ACSS2: variants seen among roughly 807,000 people sequenced by gnomAD.
The protein encoded by ACSS2 is acetyl-coenzyme A synthetase, cytoplasmic.
A neutral mutation model predicts 90.6 loss-of-function variants in ACSS2; 58 were observed. That is an observed-to-expected ratio of 0.64 (90% CI 0.52 to 0.80). The LOEUF (loss-of-function observed/expected upper bound fraction) is 0.80, where lower values mean the gene tolerates loss of function less well. Ranked by LOEUF, ACSS2 falls within the 30% of genes least tolerant of loss-of-function variation. ACSS2 has a pLI of 0.00. For synonymous variants in ACSS2, 300 were observed against 330.9 expected (o/e 0.91, Z 1.01); for missense variants, 759 against 912.0 (o/e 0.83, Z 2.16).
At chr20:34,887,150 T>C (rs954455768) in intron 2 of ACSS2, among the ~76,000 whole-genome samples, 1 of 152,188 alleles carries the variant, frequency 6.6e-6, no homozygotes, top group African/African-American at 2.4e-5. Context: ...TCTTCAAAGA[T>C]TGGTAGATTA....
chr20:34,886,296 T>C (rs1260085955), intron 2 of ACSS2, among the ~76,000 whole-genome samples: 3 of 152,160 alleles, frequency 2.0e-5, no homozygotes, highest in African/African-American at 7.2e-5. Context: ...TCCTTTTATG[T>C]ACGGATTTTT....
intron 14 of ACSS2, among the ~76,000 whole-genome samples, chr20:34,924,621 G>T (rs1390591673): frequency 6.6e-6 from 1 of 152,146 alleles, no homozygotes; most frequent in Non-Finnish European, 1.5e-5. Context: ...ATACAGGGAG[G>T]GTCTTGTGGG....
intron 2 of ACSS2, among the ~76,000 whole-genome samples, chr20:34,899,446 C>T: frequency 7.2e-6 from 1 of 139,364 alleles, no homozygotes; most frequent in Non-Finnish European, 1.6e-5. Flanking sequence ...TTCCTTCCTT[C>T]CTTCCTTCCT....
At chr20:34,877,818 C>CAAAAAAAAAA (rs60819156) in intron 1 of ACSS2, among the ~76,000 whole-genome samples, 3 of 91,222 alleles carry the variant, frequency 3.3e-5, no homozygotes, top group African/African-American at 9.6e-5. Flanking sequence ...GACTTTGTCT[C>CAAAAAAAAAA]AAAAAAAAAA....
intron 2 of ACSS2, among the ~76,000 whole-genome samples, chr20:34,909,236 C>G (rs1291784899): frequency 6.8e-6 from 1 of 146,062 alleles, no homozygotes; most frequent in East Asian, 2.1e-4. Flanking sequence ...GACATGGTGA[C>G]TCTGGCCTGT....
At chr20:34,890,167 T>C (rs1456925712) in intron 2 of ACSS2, among the ~76,000 whole-genome samples, 2 of 152,122 alleles carry the variant, frequency 1.3e-5, no homozygotes, top group Admixed American at 6.5e-5. Context: ...GGTAACTAGG[T>C]GTGTAGATGG....
Position 34,921,567 on chromosome 20 carries a change from T to A in ACSS2, c.1434T>A (p.Leu478=). ...TETGGHMLTP[L]PGATPMKPGS... ...AGGGTGGCCACATGTTGACTCCCCT[T>A]CCTGGTGCCACACCCATGAAACCCG... is the stretch of plus-strand genomic sequence containing the variant. The change falls in exon 12 of 18, where the codon CTT becomes CTA. Residue 478 remains leucine, a synonymous_variant. Coordinates refer to ENST00000360596, the MANE Select transcript of ACSS2 (RefSeq NM_018677.4). 1 of 1,614,164 alleles carries A rather than the reference T, an allele frequency of 6.2e-7. No homozygotes were observed. The highest frequency in any genetic ancestry group is 8.5e-7 in the Non-Finnish European group (1 of 1,180,012).
chr20:34,926,349 T>C, intron 16 of ACSS2, 68 bp downstream of exon 16: 1 of 1,549,418 alleles, frequency 6.5e-7, no homozygotes, highest in Non-Finnish European at 8.7e-7. Flanking sequence ...TGCAAGTTGT[T>C]GGGGAGGGGC....
At chr20:34,915,320 C>T in intron 7 of ACSS2, 1 of 1,602,332 alleles carries the variant, frequency 6.2e-7, no homozygotes, top group Non-Finnish European at 8.5e-7. Flanking sequence ...GCTCATCTGC[C>T]CTTTGCCTGT....
Position 34,888,669 on chromosome 20 carries a change from G to GT in ACSS2, c.374+5681dup, listed in dbSNP as rs1460071724. On this transcript the variant is annotated intron_variant, in intron 2 of 17. Coordinates refer to ENST00000360596, the MANE Select transcript of ACSS2 (RefSeq NM_018677.4). ...GTACTATAGAAAAATATAGAGCAGA[G>GT]TCAGGGGAAAGGGAAGTGACAGTGC... Among the ~76,000 whole-genome samples the GT allele has an allele frequency of 2.2e-4, 33 of 152,312 alleles. 1 individual carries two copies. Among genetic ancestry groups the GT allele is most frequent in the African/African-American group, 7.9e-4 (33 of 41,566 alleles).
Position 34,913,820 on chromosome 20 carries a change from C to A in ACSS2, c.638C>A (p.Thr213Asn). 1.2e-6 allele frequency: 2 copies of A among 1,613,858 alleles called. No individual in the cohort carries two copies. The highest frequency in any genetic ancestry group is 1.7e-6 in the Non-Finnish European group (2 of 1,179,788). ...GATTCCAGCTGCAGTCTTCTCATCA[C>A]TACAGGTGACTAATTCTCTCACCTC... ...ILDSSCSLLITTDAFYRGEKL... is the reference protein window; with the variant it reads ...ILDSSCSLLINTDAFYRGEKL... Residue 213 changes from threonine (T) to asparagine (N), a missense_variant, in exon 5 of 18, where the codon ACT becomes AAT. Physicochemically the swap from Thr to Asn is moderately conservative, Grantham distance 65. Coordinates refer to ENST00000360596, the MANE Select transcript of ACSS2 (RefSeq NM_018677.4).
intron 6 of ACSS2, 38 bp from the exon 7 acceptor site, chr20:34,914,285 C>T (rs761559463): frequency 1.0e-5 from 16 of 1,604,046 alleles, no homozygotes; most frequent in Non-Finnish European, 1.4e-5. Flanking sequence ...TCCCTTTGAG[C>T]CAACAAGGCT....
chr20:34,876,750 C>CA lies in ACSS2; in HGVS notation c.106dup (p.Ser36LysfsTer50), dbSNP rs2079921662. ...GGAGTTGGTCTCCGCCGCCCGAGGT[C>CA]AGCCGCTCCGCGCACGTCCCCTCGC... On this transcript the variant is annotated frameshift_variant, in exon 1 of 18. Coordinates refer to ENST00000360596, the MANE Select transcript of ACSS2 (RefSeq NM_018677.4). LOFTEE classifies it high-confidence loss of function. The CA allele has an allele frequency of 2.1e-6, 3 of 1,434,652 alleles. No homozygotes were observed. Among genetic ancestry groups the CA allele is most frequent in the Non-Finnish European group, 2.8e-6 (3 of 1,084,670 alleles). The allele number at this position is 1,434,652 out of a possible 1,614,324, so 88.9% of individuals were successfully genotyped here.
chr20:34,920,802 C>T lies in ACSS2; in HGVS notation c.1143+93C>T, dbSNP rs1180167060. ...GCTGCTTGGTCTAGAGGGAGGGGGA[C>T]TTATACAATCATCTGTTTTCTGGAG... On this transcript the variant is annotated intron_variant, in intron 9 of 17. Coordinates refer to ENST00000360596, the MANE Select transcript of ACSS2 (RefSeq NM_018677.4). 3 of 1,483,774 alleles carry T rather than the reference C, an allele frequency of 2.0e-6. No homozygotes were observed. The African/African-American group carries it at 4.2e-5, about 21-fold the overall frequency. 91.9% of individuals were successfully genotyped at this position (1,483,774 alleles called of 1,614,324 possible).
chr20:34,913,761 C>T lies in ACSS2; in HGVS notation c.579C>T (p.Gly193=). 6.2e-7 allele frequency: 1 copy of T among 1,614,082 alleles called. No individual in the cohort carries two copies. Among genetic ancestry groups the T allele is most frequent in the Non-Finnish European group, 8.5e-7 (1 of 1,179,952 alleles). ...IGALHSIVFA[G]FSSESLCERI... ...TTTCTTCCCTTCCCTAGTTTGCAGG[C>T]TTCTCTTCAGAGTCTCTATGTGAAC... The change falls in exon 5 of 18, where the codon GGC becomes GGT. Residue 193 remains glycine (G), a synonymous_variant. Coordinates refer to ENST00000360596, the MANE Select transcript of ACSS2 (RefSeq NM_018677.4).
At chr20:34,925,867 C>A in intron 15 of ACSS2, 101 bp downstream of exon 15, 2 of 1,347,292 alleles carry the variant, frequency 1.5e-6, no homozygotes, top group Non-Finnish European at 2.0e-6. Context: ...TTTGGCCAGA[C>A]CATGTACTAA....
At chr20:34,910,337 A>C (rs1415863873) in intron 2 of ACSS2, among the ~76,000 whole-genome samples, 1 of 152,164 alleles carries the variant, frequency 6.6e-6, no homozygotes, top group Non-Finnish European at 1.5e-5. Flanking sequence ...TGTTTCTGGA[A>C]AGTCACACAG....
chr20:34,926,617 T>C (rs1569004152), intron 16 of ACSS2, among the ~76,000 whole-genome samples: 1 of 152,168 alleles, frequency 6.6e-6, no homozygotes, highest in Non-Finnish European at 1.5e-5. Context: ...GGAAGTTAAA[T>C]CACTTGCCCA....
chr20:34,905,966 C>G (rs530273910), intron 2 of ACSS2, among the ~76,000 whole-genome samples: 4 of 152,234 alleles, frequency 2.6e-5, no homozygotes, highest in Admixed American at 6.5e-5. Context: ...GGTAACCCAC[C>G]CTGTGATGCC....
Sources: gnomAD v4.1 joint callset for allele counts (sites outside exome capture counted in the v4.1 genomes callset) on GRCh38, gnomAD v4.1.1 for gene constraint, MANE v1.5 for transcripts, NCBI Gene and HGNC (gene_info 2026-07-23, HGNC 2026-07-21) for gene names.